IL1RAPL1: variants seen among roughly 807,000 people sequenced by gnomAD.
The protein encoded by IL1RAPL1 is interleukin 1 receptor accessory protein like 1.
A neutral mutation model predicts 48.4 loss-of-function variants in IL1RAPL1; 3 were observed. The observed-to-expected ratio is 0.06, with a 90% CI of 0.03 to 0.16. The LOEUF is 0.16. Among genes scored for constraint, IL1RAPL1 ranks in the 10% least tolerant of loss-of-function variants. IL1RAPL1 has a pLI of 1.00. For synonymous variants in IL1RAPL1, 185 were observed against 187.7 expected, an observed-to-expected ratio of 0.99 and a Z score of 0.12; for missense variants, 349 against 530.6, an observed-to-expected ratio of 0.66 and a Z score of 3.36.
At chrX:29,220,652 T>C (rs150764497) in intron 2 of IL1RAPL1, among the ~76,000 whole-genome samples, 3,355 of 111,895 alleles carry the variant, frequency 0.03, 57 homozygotes, top group Middle Eastern at 0.056. Flanking sequence ...GCTGTGTAAA[T>C]ATTGGAAGAG....
chrX:29,480,291 C>CATATATAT (rs61703733), intron 5 of IL1RAPL1, among the ~76,000 whole-genome samples: 5,773 of 76,386 alleles, frequency 0.076, 235 homozygotes, highest in East Asian at 0.15. Flanking sequence ...CACACATATA[C>CATATATAT]ATATATATAT....
intron 1 of IL1RAPL1, among the ~76,000 whole-genome samples, chrX:28,753,923 A>G (rs970382653): frequency 4.6e-5 from 5 of 109,287 alleles, no homozygotes; most frequent in African/African-American, 6.7e-5. Flanking sequence ...AGGGAGGGAG[A>G]GAGAGAGAGA....
At position 29,639,409 on chromosome X, in the gene IL1RAPL1, G is replaced by A. The variant is rs148579399; in HGVS notation, c.704-29021G>A. The stretch of plus-strand genomic sequence containing the variant: ...GGCTGGAATCTATGCATAGTGTGGT[G>A]TTTCACAGTTAGACCTGACTAGTTA... On this transcript the variant is annotated intron_variant, in intron 5 of 10. Transcript: ENST00000378993. Among the ~76,000 whole-genome samples, 731 of 110,873 alleles carry A rather than the reference G, an allele frequency of 6.6e-3. 5 individuals carry two copies. Among genetic ancestry groups the A allele is most frequent in the African/African-American group, 0.023 (705 of 30,461 alleles).
At chrX:29,953,869 G>A (rs751933967) in intron 9 of IL1RAPL1, among the ~76,000 whole-genome samples, 12 of 97,370 alleles carry the variant, frequency 1.2e-4, no homozygotes, top group Non-Finnish European at 1.6e-4. Context: ...TCAGTTGAAC[G>A]TAAGAGCATA....
At chrX:29,402,378 T>A (rs150038401) in intron 5 of IL1RAPL1, among the ~76,000 whole-genome samples, 2,114 of 111,705 alleles carry the variant, frequency 0.019, 32 homozygotes, top group Non-Finnish European at 0.03. Context: ...CACAGCACTT[T>A]TAGCATCTCT....
chrX:29,675,951 A>C (rs1926275059), intron 6 of IL1RAPL1, among the ~76,000 whole-genome samples: 1 of 112,390 alleles, frequency 8.9e-6, no homozygotes, highest in African/African-American at 3.2e-5. Context: ...TTTTTACATA[A>C]AAAATTTACA....
chrX:28,962,158 T>C (rs1196655432), intron 2 of IL1RAPL1, among the ~76,000 whole-genome samples: 1 of 112,010 alleles, frequency 8.9e-6, no homozygotes, highest in Non-Finnish European at 1.9e-5. Flanking sequence ...ATGAGACCTG[T>C]CTTCTTTGGA....
chrX:29,320,994 T>A (rs1932800135), intron 3 of IL1RAPL1, among the ~76,000 whole-genome samples: 1 of 111,286 alleles, frequency 9.0e-6, no homozygotes, highest in South Asian at 3.7e-4. Flanking sequence ...TATGTTGTTA[T>A]GCCTAAACTA....
intron 6 of IL1RAPL1, among the ~76,000 whole-genome samples, chrX:29,704,824 C>A (rs1433402594): frequency 8.9e-6 from 1 of 111,976 alleles, no homozygotes; most frequent in Non-Finnish European, 1.9e-5. Context: ...ATTACATTGT[C>A]TTATCTTCTT....
At chrX:29,890,020 AAAG>A (rs1267650216) in intron 6 of IL1RAPL1, among the ~76,000 whole-genome samples, 2 of 111,467 alleles carry the variant, frequency 1.8e-5, no homozygotes, top group East Asian at 2.8e-4. Context: ...AGCTATCTTC[AAAG>A]AAGATTTTTT....
intron 1 of IL1RAPL1, among the ~76,000 whole-genome samples, chrX:28,656,508 T>G (rs756986839): frequency 1.4e-4 from 16 of 110,902 alleles, no homozygotes; most frequent in Non-Finnish European, 3.0e-4. Flanking sequence ...TTTCTTTCTG[T>G]CCCCATCCTT....
At chrX:29,728,867 A>T (rs1451518591) in intron 6 of IL1RAPL1, among the ~76,000 whole-genome samples, 1 of 111,850 alleles carries the variant, frequency 8.9e-6, no homozygotes, top group Non-Finnish European at 1.9e-5. Context: ...ATTGGCTCAC[A>T]TGCCTATACC....
At chrX:29,311,490 A>G (rs1053650661) in intron 3 of IL1RAPL1, among the ~76,000 whole-genome samples, 1 of 112,095 alleles carries the variant, frequency 8.9e-6, no homozygotes, top group African/African-American at 3.2e-5. Flanking sequence ...AACACAACCC[A>G]GTAGATCTCT....
At chrX:29,467,407 T>G (rs2147737651) in intron 5 of IL1RAPL1, among the ~76,000 whole-genome samples, 1 of 112,639 alleles carries the variant, frequency 8.9e-6, no homozygotes, top group African/African-American at 3.2e-5. Flanking sequence ...TGCATGAATT[T>G]ATCCACAGGC....
chrX:28,734,873 T>C (rs1935802322), intron 1 of IL1RAPL1, among the ~76,000 whole-genome samples: 1 of 111,988 alleles, frequency 8.9e-6, no homozygotes, highest in South Asian at 3.7e-4. Flanking sequence ...ACAAATATTA[T>C]GTTGAAAAGG....
intron 2 of IL1RAPL1, among the ~76,000 whole-genome samples, chrX:28,992,525 A>G (rs1271136727): frequency 9.1e-6 from 1 of 109,902 alleles, no homozygotes; most frequent in Admixed American, 9.7e-5. Flanking sequence ...AAAGAAGAAA[A>G]AAAAAAGAAA....
At chrX:29,139,656 T>C (rs1314552840) in intron 2 of IL1RAPL1, among the ~76,000 whole-genome samples, 1 of 111,763 alleles carries the variant, frequency 8.9e-6, no homozygotes, top group Admixed American at 9.6e-5. Flanking sequence ...TCTATGGTTC[T>C]GTGTATCTTC....
chrX:29,621,142 G>A (rs1194452733), intron 5 of IL1RAPL1, among the ~76,000 whole-genome samples: 3 of 111,731 alleles, frequency 2.7e-5, no homozygotes, highest in Non-Finnish European at 5.7e-5. Flanking sequence ...TTCTTTAAAT[G>A]TACTTCAAGT....
At chrX:29,683,998 A>G (rs1057338121) in intron 6 of IL1RAPL1, among the ~76,000 whole-genome samples, 1 of 111,850 alleles carries the variant, frequency 8.9e-6, no homozygotes, top group African/African-American at 3.3e-5. Context: ...TAACTTAAAG[A>G]GTGTAATTGG....
Sources: allele counts gnomAD v4.1 joint callset (sites outside exome capture counted in the v4.1 genomes callset), GRCh38; gene constraint gnomAD v4.1.1; transcripts MANE v1.5; gene names NCBI Gene and HGNC (gene_info 2026-07-23, HGNC 2026-07-21).